ACACB: variants seen among roughly 807,000 people sequenced by gnomAD.
The protein encoded by ACACB is acetyl-CoA carboxylase 2.
Under a neutral mutation model 278.8 loss-of-function variants are expected in ACACB, and 209 were observed. The observed-to-expected ratio is 0.75, with a 90% CI of 0.67 to 0.84. The LOEUF (loss-of-function observed/expected upper bound fraction) is 0.84, where lower values mean the gene tolerates loss of function less well. Among genes scored for constraint, ACACB ranks in the 40% least tolerant of loss-of-function variants. ACACB has a pLI of 0.00. For synonymous variants in ACACB, 1,174 were observed against 1,285.6 expected (o/e 0.91, Z 1.86); for missense variants, 2,850 against 3,269.0 (o/e 0.87, Z 3.13).
At chr12:109,247,502 A>C in intron 39 of ACACB, 104 bp from the exon 40 acceptor site, 1 of 769,026 alleles carries the variant, frequency 1.3e-6, no homozygotes, top group Non-Finnish European at 2.3e-6. Context: ...TGTTACTAAC[A>C]TGTTATTAAC....
intron 13 of ACACB, among the ~76,000 whole-genome samples, chr12:109,190,849 A>G (rs2044850195): frequency 6.6e-6 from 1 of 151,448 alleles, no homozygotes; most frequent in South Asian, 2.1e-4. Context: ...CTGGTCTTGA[A>G]CTCATGCCTC....
At chr12:109,211,901 G>GC (rs2045860455) in intron 21 of ACACB, among the ~76,000 whole-genome samples, 1 of 151,480 alleles carries the variant, frequency 6.6e-6, no homozygotes, top group Non-Finnish European at 1.5e-5. Context: ...ATTGATCCAG[G>GC]TTTTTTTTTC....
intron 4 of ACACB, among the ~76,000 whole-genome samples, chr12:109,170,439 A>G (rs926858390): frequency 2.0e-5 from 3 of 152,154 alleles, no homozygotes; most frequent in African/African-American, 7.2e-5. Context: ...TTTAAAATCA[A>G]AACATTGCGT....
At chr12:109,210,319 CTG>C (rs1335300268) in intron 21 of ACACB, among the ~76,000 whole-genome samples, 4 of 58,928 alleles carry the variant, frequency 6.8e-5, no homozygotes, top group South Asian at 1.1e-3. Context: ...ACACACATAT[CTG>C]TGTATATATG....
chr12:109,227,731 C>G (rs756461894), intron 28 of ACACB, among the ~76,000 whole-genome samples: 7 of 152,242 alleles, frequency 4.6e-5, no homozygotes, highest in Non-Finnish European at 1.0e-4. Context: ...TGCCTATTTA[C>G]ATTAAAATGA....
chr12:109,246,828 G>A (rs2136712370), intron 39 of ACACB, among the ~76,000 whole-genome samples: 1 of 152,292 alleles, frequency 6.6e-6, no homozygotes, highest in African/African-American at 2.4e-5. Context: ...AGCAACTCAG[G>A]AGGCTTGGGT....
chr12:109,201,485 C>A lies in ACACB; in HGVS notation c.2779-82C>A, dbSNP rs935666547. On this transcript the variant is annotated intron_variant, in intron 18 of 52. Transcript: ENST00000338432. ...CCCTGGGTAGTGTCCCGGCGCGTCC[C>A]TGCTCCGGCATCACTAGTTCTGGGT... The A allele has an allele frequency of 3.9e-6, 6 of 1,549,964 alleles. No individual in the cohort carries two copies. The African/African-American group carries it at 8.1e-5, about 21-fold the overall frequency.
chr12:109,128,138 T>C (rs2042726861), intron 1 of ACACB, among the ~76,000 whole-genome samples: 1 of 152,096 alleles, frequency 6.6e-6, no homozygotes, highest in African/African-American at 2.4e-5. Context: ...ATGTGGCTTT[T>C]CCTGATTCTG....
intron 1 of ACACB, among the ~76,000 whole-genome samples, chr12:109,133,723 G>T (rs2042888685): frequency 6.6e-6 from 1 of 151,302 alleles, no homozygotes; most frequent in African/African-American, 2.4e-5. Context: ...AAACTGTCAT[G>T]GAGATACTTG....
At chr12:109,181,690 A>G (rs1043673116) in intron 11 of ACACB, among the ~76,000 whole-genome samples, 2 of 152,070 alleles carry the variant, frequency 1.3e-5, no homozygotes, top group African/African-American at 2.4e-5. Flanking sequence ...GGATTGCTAG[A>G]TTGGTAGTTC....
Position 109,209,256 on chromosome 12 carries a change from G to C in ACACB, c.3152G>C (p.Gly1051Ala). The change falls in exon 21 of 53, where the codon GGC becomes GCC. Residue 1051 changes from glycine (G) to alanine (A), a missense_variant. Physicochemically the swap from Gly to Ala is moderately conservative, Grantham distance 60 (BLOSUM62 0). This residue lies in a region of ACACB where 2,265 missense variants were observed against 2,561.3 expected (regional missense o/e 0.88). Transcript: ENST00000338432. Reference sequence around the variant, plus strand: ...CAGGAGATCATGACCAGCGTGGCAGGCCGCATCCCCGCCCCTGTGGAGAAG... The same window carrying C: ...CAGGAGATCATGACCAGCGTGGCAGCCCGCATCCCCGCCCCTGTGGAGAAG... ...ELQEIMTSVAGRIPAPVEKSV... is the reference protein window; with the variant it reads ...ELQEIMTSVAARIPAPVEKSV... The C allele has an allele frequency of 6.2e-7, 1 of 1,611,888 alleles. No homozygotes were observed.
Position 109,210,069 on chromosome 12 carries a change from A to ATATATACACGTACATGTATG in ACACB, c.3249+717_3249+718insATATACACGTACATGTATGT, listed in dbSNP as rs2045680204. Among the ~76,000 whole-genome samples, 3 of 87,132 alleles carry ATATATACACGTACATGTATG rather than the reference A, an allele frequency of 3.4e-5. 1 individual carries two copies. Among genetic ancestry groups the ATATATACACGTACATGTATG allele is most frequent in the African/African-American group, 1.0e-4 (3 of 28,812 alleles). 57.2% of individuals were successfully genotyped at this position (87,132 alleles called of 152,430 possible). On this transcript the variant is annotated intron_variant, in intron 21 of 52. Coordinates refer to ENST00000338432, the MANE Select transcript of ACACB (RefSeq NM_001093.4). ...TATATATACACACACGTGTGTATAT[A>ATATATACACGTACATGTATG]TGTGTATATATGTATATATACACAC...
chr12:109,235,511 T>C, intron 32 of ACACB, 95 bp from the exon 33 acceptor site: 1 of 1,423,914 alleles, frequency 7.0e-7, no homozygotes, highest in Non-Finnish European at 9.9e-7. Context: ...ATTCTAGAAG[T>C]GAATGTAATC....
chr12:109,253,296 T>G (rs1303262420), intron 43 of ACACB, 138 bp downstream of exon 43: 1 of 925,138 alleles, frequency 1.1e-6, no homozygotes, highest in Admixed American at 2.7e-5. Flanking sequence ...GGTTGATTTT[T>G]CTTACTCCTT....
chr12:109,156,878 AC>A (rs1306084382), intron 2 of ACACB, among the ~76,000 whole-genome samples: 3 of 152,018 alleles, frequency 2.0e-5, no homozygotes, highest in South Asian at 4.2e-4. Flanking sequence ...AATAGCCACT[AC>A]CACTCATGGG....
chr12:109,210,287 C>G (rs1452098650), intron 21 of ACACB, among the ~76,000 whole-genome samples: 4 of 16,906 alleles, frequency 2.4e-4, no homozygotes, highest in East Asian at 4.7e-3. Context: ...ACACACATAT[C>G]TGTGTGTATA....
chr12:109,134,261 C>T (rs569484800), intron 1 of ACACB, among the ~76,000 whole-genome samples: 2 of 152,304 alleles, frequency 1.3e-5, no homozygotes, highest in East Asian at 1.9e-4. Flanking sequence ...AGTCTGTACC[C>T]AGGCCTCCCA....
intron 27 of ACACB, 43 bp downstream of exon 27, chr12:109,223,947 T>G: frequency 6.5e-7 from 1 of 1,544,304 alleles, no homozygotes; most frequent in South Asian, 1.1e-5. Context: ...CCATGCCAGT[T>G]CTAGTGTTCA....
At chr12:109,132,972 G>A (rs1416681697) in intron 1 of ACACB, among the ~76,000 whole-genome samples, 1 of 152,072 alleles carries the variant, frequency 6.6e-6, no homozygotes, top group Non-Finnish European at 1.5e-5. Flanking sequence ...CACCTGCCGT[G>A]CGTGTGTCTA....
Sources: allele counts gnomAD v4.1 joint callset (sites outside exome capture counted in the v4.1 genomes callset), GRCh38; gene constraint gnomAD v4.1.1; regional missense constraint gnomAD v4.1.1; transcripts MANE v1.5; gene names NCBI Gene and HGNC (gene_info 2026-07-23, HGNC 2026-07-21).